The following CNTNAP3B variants were observed in gnomAD, a reference collection of about 807,000 sequenced individuals.
The protein encoded by CNTNAP3B is contactin-associated protein-like 3B.
A neutral mutation model predicts 108.9 loss-of-function variants in CNTNAP3B; 25 were observed. That is an observed-to-expected ratio of 0.23 (90% CI 0.17 to 0.32). The LOEUF is 0.32. CNTNAP3B is among the 10% of genes least tolerant of loss of function. The pLI, the probability that CNTNAP3B is intolerant of heterozygous loss-of-function variation, is 1.00. For missense variants in CNTNAP3B, 252 were observed against 1,210.4 expected, an observed-to-expected ratio of 0.21 and a Z score of 11.75; for synonymous variants, 103 against 473.4, an observed-to-expected ratio of 0.22 and a Z score of 10.16.
intron 3 of CNTNAP3B, among the ~76,000 whole-genome samples, chr9:42,061,964 C>G (rs1290852777): frequency 1.1e-5 from 1 of 91,754 alleles, no homozygotes; most frequent in Non-Finnish European, 2.3e-5. Flanking sequence ...TTAGTATTTG[C>G]CTTATATATT....
Position 41,953,438 on chromosome 9 carries a change from G to C in CNTNAP3B, c.1877-52C>G, listed in dbSNP as rs1406556917. ...CATCACTGGGCGGCAGACGCCAGCA[G>C]CAAGAGGCAAAGCAGACCTTTTATG... On this transcript the variant is annotated intron_variant, in intron 12 of 23. Transcript: ENST00000377561. 6.6e-6 allele frequency: 10 copies of C among 1,507,332 alleles called. 1 individual carries two copies. In the East Asian group the frequency reaches 2.2e-4, roughly 33 times the overall value. The allele number at this position is 1,507,332 out of a possible 1,614,324, so 93.4% of individuals were successfully genotyped here. A position where few individuals can be genotyped will look rare whatever the true frequency, so the allele number is the denominator to read the frequency against.
At chr9:41,956,124 C>G (rs1207370079) in intron 12 of CNTNAP3B, among the ~76,000 whole-genome samples, 1 of 152,196 alleles carries the variant, frequency 6.6e-6, no homozygotes, top group Non-Finnish European at 1.5e-5. Context: ...TGGTGGCTCA[C>G]GCCTGTAATC....
intron 2 of CNTNAP3B, among the ~76,000 whole-genome samples, chr9:42,103,559 TA>T (rs761806373): frequency 0.37 from 31,445 of 86,128 alleles, 5,710 homozygotes; most frequent in East Asian, 0.54. Context: ...CCGTCCCTGC[TA>T]AAAAAAAAAA....
At chr9:42,061,443 G>C (rs1373652710) in intron 3 of CNTNAP3B, among the ~76,000 whole-genome samples, 1 of 132,016 alleles carries the variant, frequency 7.6e-6, no homozygotes, top group Non-Finnish European at 1.6e-5. Context: ...TCAGCCTCCC[G>C]AGTAGCTGGG....
rs1372263916 is a variant in CNTNAP3B at position 41,997,634 on chromosome 9, G to C, written c.861C>G (p.Thr287=). 2 of 1,611,126 alleles carry C rather than the reference G, an allele frequency of 1.2e-6. No homozygotes were observed. The highest frequency in any genetic ancestry group is 3.4e-5 in the Admixed American group (2 of 59,682). ...GGAAATGATGAGTGTGTTTGTCCAC[G>C]GTGAAGTTGACCTGCGTGTCGAGGA... ...IELLDTQVNF[T]VDKHTHHFQA... is the part of the protein sequence containing the mutation. Residue 287 remains threonine, a synonymous_variant, in exon 6 of 24, where the codon ACC becomes ACG. Coordinates refer to ENST00000377561, the MANE Select transcript of CNTNAP3B (RefSeq NM_001201380.3).
rs1413743783 is a variant in CNTNAP3B, at chr9:42,080,733, A to G, written c.197-3671T>C. 1.8e-5 allele frequency among the ~76,000 whole-genome samples: 2 copies of G among 110,278 alleles called. 1 individual carries two copies. The highest frequency in any genetic ancestry group is 3.8e-5 in the Non-Finnish European group (2 of 53,088). 72.3% of individuals were successfully genotyped at this position (110,278 alleles called of 152,430 possible). ...TAACAGTCATATAAATCACCTCACA[A>G]GACTGTAAGGAAGACAATGGGATAA... On this transcript the variant is annotated intron_variant, in intron 2 of 23. Coordinates refer to ENST00000377561, the MANE Select transcript of CNTNAP3B (RefSeq NM_001201380.3).
intron 9 of CNTNAP3B, among the ~76,000 whole-genome samples, chr9:41,982,157 A>G (rs1825641975): frequency 1.2e-5 from 1 of 86,636 alleles, no homozygotes; most frequent in African/African-American, 5.3e-5. Flanking sequence ...GACACAGGAC[A>G]TGGCAAAAAT....
chr9:42,118,131 A>C lies in CNTNAP3B; in HGVS notation c.85+10879T>G, dbSNP rs1291879848. 1.4e-5 allele frequency among the ~76,000 whole-genome samples: 2 copies of C among 138,622 alleles called. 1 individual carries two copies. The highest frequency in any genetic ancestry group is 3.1e-5 in the Non-Finnish European group (2 of 64,712). The allele number at this position is 138,622 out of a possible 152,430, so 90.9% of individuals were successfully genotyped here. A position where few individuals can be genotyped will look rare whatever the true frequency, so the allele number is the denominator to read the frequency against. On this transcript the variant is annotated intron_variant, in intron 1 of 23. Transcript: ENST00000377561. ...AACTGGTACCATTCCTTCTGAAACT[A>C]TTCCAATCAACAGAAAAAGAGGGAA... is the stretch of plus-strand genomic sequence containing the variant.
At chr9:42,039,119 C>T (rs1388404242) in intron 3 of CNTNAP3B, among the ~76,000 whole-genome samples, 1 of 152,090 alleles carries the variant, frequency 6.6e-6, no homozygotes, top group East Asian at 1.9e-4. Context: ...CACTAAATGC[C>T]CACAAAAGAA....
At chr9:42,089,292 T>C (rs2118660744) in intron 2 of CNTNAP3B, among the ~76,000 whole-genome samples, 1 of 117,374 alleles carries the variant, frequency 8.5e-6, no homozygotes, top group South Asian at 2.8e-4. Context: ...TACATTATTC[T>C]ATCAGAGATT....
chr9:41,958,173 C>A (rs1161075109), intron 12 of CNTNAP3B, among the ~76,000 whole-genome samples: 3 of 151,940 alleles, frequency 2.0e-5, no homozygotes, highest in African/African-American at 4.8e-5. Context: ...AGTGGTGTGA[C>A]CATGGCTCAC....
chr9:41,973,965 C>T (rs1825477617), intron 9 of CNTNAP3B, among the ~76,000 whole-genome samples: 1 of 136,014 alleles, frequency 7.4e-6, no homozygotes, highest in African/African-American at 3.0e-5. Context: ...CTGCCTCAGC[C>T]TACCCAGTAG....
At chr9:41,990,815 A>T (rs1424079899) in intron 8 of CNTNAP3B, among the ~76,000 whole-genome samples, 12 of 137,922 alleles carry the variant, frequency 8.7e-5, no homozygotes, top group Admixed American at 8.0e-4. Flanking sequence ...ACTGCATGTG[A>T]GATTAGTTCC....
intron 13 of CNTNAP3B, among the ~76,000 whole-genome samples, chr9:41,938,625 A>C (rs886193665): frequency 4.2e-4 from 64 of 152,364 alleles, no homozygotes; most frequent in African/African-American, 1.5e-3. Flanking sequence ...GATTCCATCT[A>C]TTTTTCTTCT....
chr9:42,120,031 A>G (rs1323860790), intron 1 of CNTNAP3B, among the ~76,000 whole-genome samples: 2 of 149,446 alleles, frequency 1.3e-5, no homozygotes, highest in Non-Finnish European at 3.0e-5. Context: ...CATCAGAGTG[A>G]ACAGGCAACC....
intron 7 of CNTNAP3B, among the ~76,000 whole-genome samples, chr9:41,995,662 C>A (rs1825882636): frequency 8.3e-6 from 1 of 120,658 alleles, no homozygotes; most frequent in South Asian, 2.8e-4. Flanking sequence ...ACCCAGGAGG[C>A]AGAGCTTGCA....
At chr9:41,948,339 G>T (rs1281145628) in intron 13 of CNTNAP3B, among the ~76,000 whole-genome samples, 11 of 152,148 alleles carry the variant, frequency 7.2e-5, no homozygotes, top group Non-Finnish European at 1.5e-5. Context: ...TGATCCATCT[G>T]CCTCAGCCTC....
intron 10 of CNTNAP3B, among the ~76,000 whole-genome samples, chr9:41,965,973 T>C (rs1401740126): frequency 6.6e-6 from 1 of 152,142 alleles, no homozygotes; most frequent in African/African-American, 2.4e-5. Flanking sequence ...CATAATTACA[T>C]GGTGTTAATG....
chr9:41,917,259 C>T (rs1823541155), intron 18 of CNTNAP3B, among the ~76,000 whole-genome samples: 1 of 148,278 alleles, frequency 6.7e-6, no homozygotes, highest in Admixed American at 6.7e-5. Flanking sequence ...ATAATCTCTA[C>T]TGATCTTGCT....
Sources: allele counts gnomAD v4.1 joint callset (sites outside exome capture counted in the v4.1 genomes callset), GRCh38; gene constraint gnomAD v4.1.1; transcripts MANE v1.5; gene names NCBI Gene and HGNC (gene_info 2026-07-23, HGNC 2026-07-21).